The following PDS5A variants were observed in gnomAD, a reference collection of about 807,000 sequenced individuals.
PDS5A encodes PDS5 cohesin associated factor A.
PDS5A carries 42 observed loss-of-function variants against 167.1 expected under a neutral mutation model. The observed-to-expected ratio is 0.25, with a 90% CI of 0.20 to 0.33. The LOEUF (loss-of-function observed/expected upper bound fraction) is 0.33. Among genes scored for constraint, PDS5A ranks in the 10% least tolerant of loss-of-function variants. The pLI is 1.00. For synonymous variants in PDS5A, 553 were observed against 554.6 expected, an observed-to-expected ratio of 1.00 and a Z score of 0.04; for missense variants, 1,033 against 1,605.9, an observed-to-expected ratio of 0.64 and a Z score of 6.10.
At chr4:39,857,392 T>C (rs1718623309) in intron 26 of PDS5A, among the ~76,000 whole-genome samples, 1 of 151,018 alleles carries the variant, frequency 6.6e-6, no homozygotes, top group Non-Finnish European at 1.5e-5. Context: ...TAAAAACTTT[T>C]ACAAAAGAGA....
At chr4:39,931,867 A>G (rs1726099928) in intron 2 of PDS5A, among the ~76,000 whole-genome samples, 1 of 151,020 alleles carries the variant, frequency 6.6e-6, no homozygotes, top group African/African-American at 2.4e-5. Flanking sequence ...TTCTTCCACA[A>G]TGACTCTGGA....
chr4:39,823,163 TTC>T lies in PDS5A; in HGVS notation c.*2320_*2321del, dbSNP rs1420768707. 2.6e-5 allele frequency: 4 copies of T among 152,712 alleles called. No individual in the cohort carries two copies. In the East Asian group the frequency reaches 5.8e-4, roughly 22 times the overall value. 9.5% of individuals were successfully genotyped at this position (152,712 alleles called of 1,614,324 possible). Reference sequence around the variant, plus strand: ...ATAAGTCTGCACTTTTGTGTTGTAGTTCTCTGAGATGTGAATACCAAATTCCT... The same window carrying T: ...ATAAGTCTGCACTTTTGTGTTGTAGTTCTGAGATGTGAATACCAAATTCCT... On this transcript the variant is annotated 3_prime_UTR_variant, in exon 33 of 33. Transcript: ENST00000303538.
At chr4:39,867,307 A>G (rs1038690057) in intron 22 of PDS5A, among the ~76,000 whole-genome samples, 1 of 152,088 alleles carries the variant, frequency 6.6e-6, no homozygotes, top group African/African-American at 2.4e-5. Flanking sequence ...AACTTGCTTA[A>G]AAGTCTGGTT....
chr4:39,915,649 C>T lies in PDS5A; in HGVS notation c.876+1399G>A, dbSNP rs147739253. On this transcript the variant is annotated intron_variant, in intron 8 of 32. Coordinates refer to ENST00000303538, the MANE Select transcript of PDS5A (RefSeq NM_001100399.2). ...TGCTGGGATTACAGGTATGAGCTACCGCACTTGGCCCAGCCTGATTTTCTT... is the reference window on the plus strand; with the variant it reads ...TGCTGGGATTACAGGTATGAGCTACTGCACTTGGCCCAGCCTGATTTTCTT... Among the ~76,000 whole-genome samples the T allele has an allele frequency of 1.1e-4, 17 of 152,142 alleles. No homozygotes were observed. In the East Asian group the frequency reaches 2.5e-3, roughly 22 times the overall value.
intron 21 of PDS5A, among the ~76,000 whole-genome samples, chr4:39,872,525 C>T (rs371779441): frequency 4.6e-5 from 7 of 152,082 alleles, no homozygotes; most frequent in African/African-American, 1.7e-4. Context: ...ATTAGCCAGG[C>T]GTGGTGACAG....
chr4:39,853,663 A>AG (rs1718299840), intron 26 of PDS5A, among the ~76,000 whole-genome samples: 1 of 152,174 alleles, frequency 6.6e-6, no homozygotes, highest in African/African-American at 2.4e-5. Context: ...TTCTTTTTGA[A>AG]GACCTCACCT....
At chr4:39,895,824 T>C (rs1193126904) in intron 16 of PDS5A, among the ~76,000 whole-genome samples, 2 of 151,442 alleles carry the variant, frequency 1.3e-5, no homozygotes, top group Non-Finnish European at 2.9e-5. Flanking sequence ...TTCACACCAT[T>C]CTCCTGCCTC....
intron 17 of PDS5A, among the ~76,000 whole-genome samples, chr4:39,888,557 C>T (rs1036688203): frequency 2.0e-5 from 3 of 150,920 alleles, no homozygotes; most frequent in Non-Finnish European, 1.5e-5. Flanking sequence ...TGCACATCAA[C>T]GAAGAAAGAA....
At chr4:39,830,733 C>A (rs1715784562) in intron 32 of PDS5A, among the ~76,000 whole-genome samples, 1 of 151,890 alleles carries the variant, frequency 6.6e-6, no homozygotes, top group South Asian at 2.1e-4. Flanking sequence ...CCCATTTGAA[C>A]TAATTTTCAC....
chr4:39,890,040 A>G (rs1405044448), intron 17 of PDS5A, among the ~76,000 whole-genome samples: 1 of 152,234 alleles, frequency 6.6e-6, no homozygotes, highest in Non-Finnish European at 1.5e-5. Context: ...AAATAAACAT[A>G]AGAACTCTTT....
intron 31 of PDS5A, among the ~76,000 whole-genome samples, chr4:39,838,686 G>A (rs1411237403): frequency 6.6e-6 from 1 of 151,904 alleles, no homozygotes; most frequent in Non-Finnish European, 1.5e-5. Context: ...TTATGCCACT[G>A]GACTCCAGCC....
chr4:39,952,053 G>A (rs1436496260), intron 2 of PDS5A, among the ~76,000 whole-genome samples: 1 of 152,192 alleles, frequency 6.6e-6, no homozygotes, highest in African/African-American at 2.4e-5. Context: ...CAATTGTCCA[G>A]GCACGGTGGC....
chr4:39,849,721 G>T, intron 26 of PDS5A, 69 bp from the exon 27 acceptor site: 2 of 1,018,896 alleles, frequency 2.0e-6, no homozygotes, highest in Non-Finnish European at 2.9e-6. Context: ...AAATATGTTA[G>T]CTGGGAATTT....
intron 12 of PDS5A, among the ~76,000 whole-genome samples, chr4:39,902,900 A>T (rs1723001978): frequency 6.6e-6 from 1 of 152,196 alleles, no homozygotes; most frequent in South Asian, 2.1e-4. Flanking sequence ...ATACAATGGA[A>T]GATATCAGTT....
chr4:39,907,134 T>C (rs536060264), intron 11 of PDS5A, among the ~76,000 whole-genome samples: 1 of 152,166 alleles, frequency 6.6e-6, no homozygotes, highest in East Asian at 1.9e-4. Flanking sequence ...ACTGTAATAG[T>C]AGTGAAACTT....
intron 28 of PDS5A, 67 bp from the exon 29 acceptor site, chr4:39,845,947 T>C (rs1717552188): frequency 5.0e-6 from 6 of 1,203,544 alleles, no homozygotes; most frequent in Non-Finnish European, 2.1e-6. Flanking sequence ...ATTTTAATTA[T>C]CTCAATAAGG....
chr4:39,942,659 C>G (rs1171187774), intron 2 of PDS5A, among the ~76,000 whole-genome samples: 1 of 152,128 alleles, frequency 6.6e-6, no homozygotes, highest in Non-Finnish European at 1.5e-5. Flanking sequence ...CTCCTGGGCT[C>G]AAGCGATACA....
chr4:39,920,995 G>C (rs185406456), intron 6 of PDS5A, among the ~76,000 whole-genome samples: 2 of 152,250 alleles, frequency 1.3e-5, no homozygotes, highest in African/African-American at 4.8e-5. Context: ...TGCCTGAAAA[G>C]GGAATTCTTG....
At chr4:39,931,006 T>C (rs1355030617) in intron 2 of PDS5A, among the ~76,000 whole-genome samples, 2 of 152,158 alleles carry the variant, frequency 1.3e-5, no homozygotes, top group African/African-American at 2.4e-5. Flanking sequence ...TCAGGGTTTG[T>C]GAAACAAAAG....
Sources: allele counts gnomAD v4.1 joint callset (sites outside exome capture counted in the v4.1 genomes callset), GRCh38; gene constraint gnomAD v4.1.1; transcripts MANE v1.5; gene names NCBI Gene and HGNC (gene_info 2026-07-23, HGNC 2026-07-21).